The following SPRED2 variants were observed in gnomAD, a reference collection of about 807,000 sequenced individuals.
SPRED2 encodes sprouty-related, EVH1 domain-containing protein 2.
Under a neutral mutation model 43.0 loss-of-function variants are expected in SPRED2, and 47 were observed. That is an observed-to-expected ratio of 1.09 (90% confidence interval 0.87 to 1.40). SPRED2 has a LOEUF of 1.40. SPRED2 is among the 40% of genes most tolerant of loss of function. The pLI is 0.00. For missense variants in SPRED2, 561 were observed against 586.4 expected, an observed-to-expected ratio of 0.96 and a Z score of 0.45; for synonymous variants, 225 against 225.7, an observed-to-expected ratio of 1.00 and a Z score of 0.03.
At chr2:65,333,573 C>T (rs747754692) in intron 3 of SPRED2, among the ~76,000 whole-genome samples, 15 of 152,270 alleles carry the variant, frequency 9.9e-5, no homozygotes, top group African/African-American at 2.9e-4. Context: ...ACAATGCGAA[C>T]GTCTATCAAT....
Position 65,350,965 on chromosome 2 carries a change from T to C in SPRED2, c.27-6069A>G, listed in dbSNP as rs574802543. On this transcript the variant is annotated intron_variant, in intron 1 of 5. Transcript: ENST00000356388. ...TCAGTTTCCTCCTTTGCAAAATGAA[T>C]AGGGGATCTACCCTGCTGGCTGAAA... Among the ~76,000 whole-genome samples, 30 of 152,264 alleles carry C rather than the reference T, an allele frequency of 2.0e-4. 1 individual carries two copies. The highest frequency in any genetic ancestry group is 6.7e-4 in the African/African-American group (28 of 41,538).
At chr2:65,408,711 G>A (rs1321982086) in intron 1 of SPRED2, among the ~76,000 whole-genome samples, 1 of 152,008 alleles carries the variant, frequency 6.6e-6, no homozygotes, top group Non-Finnish European at 1.5e-5. Flanking sequence ...CTCCTGAGTA[G>A]CTGGGACAAT....
Position 65,313,379 on chromosome 2 carries a change from G to A in SPRED2, c.*122C>T. ...GAATGGTGCCTCGAGGTACCAGGGA[G>A]CTGGGAGGCCGCTTGCCCTCCTCGC... is the stretch of plus-strand genomic sequence containing the variant. On this transcript the variant is annotated 3_prime_UTR_variant, in exon 6 of 6. Transcript: ENST00000356388. The A allele has an allele frequency of 6.7e-7, 1 of 1,498,860 alleles. No homozygotes were observed. Among genetic ancestry groups the A allele is most frequent in the Non-Finnish European group, 8.8e-7 (1 of 1,132,562 alleles). 92.8% of individuals were successfully genotyped at this position (1,498,860 alleles called of 1,614,324 possible). A position where few individuals can be genotyped will look rare whatever the true frequency, so the allele number is the denominator to read the frequency against.
chr2:65,377,013 C>T (rs1300727624), intron 1 of SPRED2, among the ~76,000 whole-genome samples: 1 of 152,196 alleles, frequency 6.6e-6, no homozygotes, highest in African/African-American at 2.4e-5. Context: ...CATGCCTGGC[C>T]ACAATCTTTC....
chr2:65,331,938 C>G (rs1344723637), intron 4 of SPRED2, 49 bp downstream of exon 4: 1 of 1,450,612 alleles, frequency 6.9e-7, no homozygotes, highest in Non-Finnish European at 9.5e-7. Flanking sequence ...AAACCTTTCT[C>G]TGATTATTCA....
intron 1 of SPRED2, among the ~76,000 whole-genome samples, chr2:65,365,364 T>A (rs2104327026): frequency 6.6e-6 from 1 of 152,366 alleles, no homozygotes; most frequent in South Asian, 2.1e-4. Flanking sequence ...ACTCCCTTCA[T>A]GCTGGTTTTC....
chr2:65,399,372 A>C (rs1416481489), intron 1 of SPRED2, among the ~76,000 whole-genome samples: 4 of 150,390 alleles, frequency 2.7e-5, no homozygotes, highest in African/African-American at 9.7e-5. Flanking sequence ...ATAGAACTGG[A>C]AACTATTATT....
At chr2:65,427,907 G>A (rs1439444288) in intron 1 of SPRED2, among the ~76,000 whole-genome samples, 1 of 152,176 alleles carries the variant, frequency 6.6e-6, no homozygotes, top group Non-Finnish European at 1.5e-5. Flanking sequence ...TTACTCACAG[G>A]ATGACCTTGA....
chr2:65,322,294 A>ATATATTTTTTTT (rs1350932295), intron 4 of SPRED2, among the ~76,000 whole-genome samples: 2 of 64,930 alleles, frequency 3.1e-5, no homozygotes, highest in African/African-American at 1.4e-4. Context: ...ATATATATAT[A>ATATATTTTTTTT]TTTTTTTTTT....
rs1318815468 is a variant in SPRED2, at chr2:65,317,549, CAACAACAACAAA to C, written c.439-678_439-667del. ...ACAACAACAACAACAACAACAACAA[CAACAACAACAAA>C]AACAAAACATAAATAAAAGAATGGT... is the stretch of plus-strand genomic sequence containing the variant. On this transcript the variant is annotated intron_variant, in intron 4 of 5. Transcript: ENST00000356388. 5.1e-3 allele frequency among the ~76,000 whole-genome samples: 513 copies of C among 100,936 alleles called. 1 individual carries two copies. The highest frequency in any genetic ancestry group is 8.6e-3 in the African/African-American group (243 of 28,258). The allele number at this position is 100,936 out of a possible 152,430, so 66.2% of individuals were successfully genotyped here. A position where few individuals can be genotyped will look rare whatever the true frequency, so the allele number is the denominator to read the frequency against.
chr2:65,419,771 C>A (rs769779811), intron 1 of SPRED2, among the ~76,000 whole-genome samples: 4 of 152,122 alleles, frequency 2.6e-5, no homozygotes, highest in Non-Finnish European at 5.9e-5. Flanking sequence ...GTATTTGGTT[C>A]ACAAACAATG....
intron 4 of SPRED2, among the ~76,000 whole-genome samples, chr2:65,329,563 T>C (rs1673746123): frequency 6.6e-6 from 1 of 152,160 alleles, no homozygotes; most frequent in Non-Finnish European, 1.5e-5. Context: ...AGGCATTTGG[T>C]GTTAGCCTAG....
chr2:65,348,837 T>A (rs1320830196), intron 1 of SPRED2, among the ~76,000 whole-genome samples: 1 of 151,650 alleles, frequency 6.6e-6, no homozygotes, highest in African/African-American at 2.4e-5. Context: ...TATAAAAACA[T>A]ATAGTGTTCA....
chr2:65,419,298 C>T (rs576652514), intron 1 of SPRED2, among the ~76,000 whole-genome samples: 25 of 152,264 alleles, frequency 1.6e-4, no homozygotes, highest in Non-Finnish European at 2.9e-4. Context: ...TTTAATCAGA[C>T]GACCCAAACT....
intron 1 of SPRED2, among the ~76,000 whole-genome samples, chr2:65,363,563 A>G (rs569992416): frequency 5.9e-5 from 9 of 152,238 alleles, no homozygotes; most frequent in African/African-American, 9.6e-5. Flanking sequence ...CCCACCCAGT[A>G]TGGCAGAATG....
chr2:65,357,688 C>T (rs1054801314), intron 1 of SPRED2, among the ~76,000 whole-genome samples: 9 of 152,206 alleles, frequency 5.9e-5, no homozygotes, highest in African/African-American at 1.2e-4. Flanking sequence ...AGAGGTAACA[C>T]TGGCAACACA....
At chr2:65,398,731 T>G (rs975869494) in intron 1 of SPRED2, among the ~76,000 whole-genome samples, 10 of 152,174 alleles carry the variant, frequency 6.6e-5, no homozygotes, top group Non-Finnish European at 1.3e-4. Context: ...GATGTTGGTG[T>G]GGATGTGCTG....
At chr2:65,382,061 A>T (rs1198695258) in intron 1 of SPRED2, among the ~76,000 whole-genome samples, 1 of 152,194 alleles carries the variant, frequency 6.6e-6, no homozygotes, top group Non-Finnish European at 1.5e-5. Context: ...ACTGGTCTAA[A>T]AGAGTGGCTT....
intron 2 of SPRED2, among the ~76,000 whole-genome samples, chr2:65,336,643 A>G (rs973798590): frequency 2.0e-5 from 3 of 152,212 alleles, no homozygotes; most frequent in African/African-American, 7.2e-5. Flanking sequence ...AATTTAACAA[A>G]TGTTATCTAT....
Sources: allele counts gnomAD v4.1 joint callset (sites outside exome capture counted in the v4.1 genomes callset), GRCh38; gene constraint gnomAD v4.1.1; transcripts MANE v1.5; gene names NCBI Gene and HGNC (gene_info 2026-07-23, HGNC 2026-07-21).